The following TMEM14C variants were observed in gnomAD, a reference collection of about 807,000 sequenced individuals.
The protein encoded by TMEM14C is chromosome 6 open reading frame 53.
A neutral mutation model predicts 14.8 loss-of-function variants in TMEM14C; 13 were observed. The ratio of observed to expected loss-of-function variants is 0.88; its 90% CI spans 0.57 to 1.40. TMEM14C has a LOEUF of 1.40. TMEM14C is among the 40% of genes most tolerant of loss of function. The pLI is 0.00. For synonymous variants in TMEM14C, 57 were observed against 51.3 expected, an observed-to-expected ratio of 1.11 and a Z score of -0.48; for missense variants, 142 against 138.8, an observed-to-expected ratio of 1.02 and a Z score of -0.12.
Position 10,730,680 on chromosome 6 carries a change from C to T in TMEM14C, c.*14C>T, listed in dbSNP as rs200775524. 1.3e-6 allele frequency: 2 copies of T among 1,588,128 alleles called. No individual in the cohort carries two copies. The highest frequency in any genetic ancestry group is 8.6e-7 in the Non-Finnish European group (1 of 1,164,318). ...AGACCCCATTAGCAGAAGTCATGTT[C>T]CAGCTTAGACTGATGAAGAATTAAA... is the stretch of plus-strand genomic sequence containing the variant. On this transcript the variant is annotated 3_prime_UTR_variant, in exon 6 of 6. Transcript: ENST00000229563.
chr6:10,724,404 A>G (rs959323506), intron 1 of TMEM14C, 166 bp from the exon 2 acceptor site: 9 of 587,932 alleles, frequency 1.5e-5, no homozygotes, highest in African/African-American at 7.4e-5. Flanking sequence ...TGTGACATCC[A>G]TTGAATGCTC....
intron 1 of TMEM14C, among the ~76,000 whole-genome samples, chr6:10,723,594 C>CTTTTTTT (rs34904534): frequency 2.5e-5 from 3 of 118,712 alleles, no homozygotes; most frequent in African/African-American, 3.4e-5. Flanking sequence ...AAACTTAATT[C>CTTTTTTT]TTTTTTTTTT....
chr6:10,728,458 C>T (rs955725465), intron 4 of TMEM14C, among the ~76,000 whole-genome samples, 182 bp from the exon 5 acceptor site: 1 of 152,118 alleles, frequency 6.6e-6, no homozygotes, highest in Non-Finnish European at 1.5e-5. Context: ...CCCTATTTGG[C>T]CAATATTGGT....
At chr6:10,726,831 G>C (rs1041587455) in intron 4 of TMEM14C, among the ~76,000 whole-genome samples, 4 of 152,364 alleles carry the variant, frequency 2.6e-5, no homozygotes, top group Admixed American at 2.0e-4. Context: ...CCACCCATGT[G>C]TCAGACACTG....
intron 2 of TMEM14C, 139 bp from the exon 3 acceptor site, chr6:10,724,822 G>C: frequency 7.4e-7 from 1 of 1,344,248 alleles, no homozygotes; most frequent in Admixed American, 1.8e-5. Flanking sequence ...GTGACTCTCA[G>C]AAAGTCATCC....
At position 10,724,974 on chromosome 6, in the gene TMEM14C, T is replaced by G; in HGVS notation, c.34T>G (p.Trp12Gly). 6.2e-7 allele frequency: 1 copy of G among 1,614,238 alleles called. No homozygotes were observed. The highest frequency in any genetic ancestry group is 1.1e-5 in the South Asian group (1 of 91,084). The change falls in exon 3 of 6, where the codon TGG (tryptophan) becomes GGG (glycine). Residue 12 changes from tryptophan to glycine, a missense_variant. Physicochemically the swap from Trp to Gly is radical, Grantham distance 184. Coordinates refer to ENST00000229563, the MANE Select transcript of TMEM14C (RefSeq NM_016462.4). ...TTGTGTTTTCAGAGTGCCTTTGCAT[T>G]GGTTTGGCTTTGGCTACGCAGCACT... ...QDTGSVVPLH[W>G]FGFGYAALVA...
intron 5 of TMEM14C, among the ~76,000 whole-genome samples, chr6:10,729,573 T>C (rs1051857158): frequency 6.6e-6 from 1 of 152,034 alleles, no homozygotes; most frequent in African/African-American, 2.4e-5. Flanking sequence ...TGTCAGGGGT[T>C]CAAGACCATC....
intron 4 of TMEM14C, among the ~76,000 whole-genome samples, chr6:10,728,259 G>A (rs1770924482): frequency 6.6e-6 from 1 of 152,230 alleles, no homozygotes; most frequent in South Asian, 2.1e-4. Flanking sequence ...CACTTGACAT[G>A]TAGTAGGTGC....
Position 10,728,757 on chromosome 6 carries a change from A to G in TMEM14C, c.287+30A>G, listed in dbSNP as rs752915825. Reference sequence around the variant, plus strand: ...TTTCATTCTATTACTCTTCTTTACCATGTAGAGTTCAGTTTATTCCCCAGG... The same window carrying G: ...TTTCATTCTATTACTCTTCTTTACCGTGTAGAGTTCAGTTTATTCCCCAGG... On this transcript the variant is annotated intron_variant, in intron 5 of 5. Coordinates refer to ENST00000229563, the MANE Select transcript of TMEM14C (RefSeq NM_016462.4). The G allele has an allele frequency of 1.2e-5, 19 of 1,613,928 alleles. No homozygotes were observed. The South Asian group carries it at 2.1e-4, about 18-fold the overall frequency.
chr6:10,729,227 C>T (rs938759456), intron 5 of TMEM14C, among the ~76,000 whole-genome samples: 2 of 152,200 alleles, frequency 1.3e-5, no homozygotes, highest in African/African-American at 4.8e-5. Context: ...CATCTGCCTC[C>T]CGGGTTCAAG....
Position 10,724,992 on chromosome 6 carries a change from G to A in TMEM14C, c.52G>A (p.Ala18Thr), listed in dbSNP as rs202030847. 3.5e-5 allele frequency: 57 copies of A among 1,614,234 alleles called. No individual in the cohort carries two copies. The highest frequency in any genetic ancestry group is 8.0e-5 in the African/African-American group (6 of 75,044). The change falls in exon 3 of 6, where the codon GCA (alanine) becomes ACA (threonine). Residue 18 changes from alanine (A) to threonine (T), a missense_variant. Physicochemically the swap from Ala to Thr is moderately conservative, Grantham distance 58 (BLOSUM62 0). Transcript: ENST00000229563. ...TTTGCATTGGTTTGGCTTTGGCTAC[G>A]CAGCACTGGTTGCTTCTGGTGGGAT... ...VPLHWFGFGY[A>T]ALVASGGIIG...
chr6:10,726,848 G>A (rs1276775220), intron 4 of TMEM14C, among the ~76,000 whole-genome samples: 1 of 152,226 alleles, frequency 6.6e-6, no homozygotes, highest in African/African-American at 2.4e-5. Flanking sequence ...ACTGCTAGGA[G>A]TGTGGGTTCC....
intron 3 of TMEM14C, 35 bp from the exon 4 acceptor site, chr6:10,725,872 A>C: frequency 1.9e-6 from 3 of 1,611,954 alleles, no homozygotes; most frequent in Non-Finnish European, 2.5e-6. Context: ...TAAGTGCCTG[A>C]CATTACAATG....
chr6:10,724,529 C>G, intron 1 of TMEM14C, 41 bp from the exon 2 acceptor site: 8 of 1,393,408 alleles, frequency 5.7e-6, no homozygotes, highest in Non-Finnish European at 8.1e-6. Flanking sequence ...TGCTGGAGAG[C>G]TGTGCTTTTA....
chr6:10,723,956 A>G (rs767577105), intron 1 of TMEM14C, among the ~76,000 whole-genome samples: 27 of 152,180 alleles, frequency 1.8e-4, no homozygotes, highest in Admixed American at 3.3e-4. Flanking sequence ...CTTTTGGCTC[A>G]CTGGACACAG....
intron 3 of TMEM14C, 42 bp from the exon 4 acceptor site, chr6:10,725,865 G>C: frequency 6.2e-7 from 1 of 1,611,320 alleles, no homozygotes; most frequent in Non-Finnish European, 8.5e-7. Flanking sequence ...AGTGAAATAA[G>C]TGCCTGACAT....
chr6:10,726,235 G>A (rs558071691), intron 4 of TMEM14C, among the ~76,000 whole-genome samples: 13 of 152,262 alleles, frequency 8.5e-5, no homozygotes, highest in African/African-American at 2.6e-4. Context: ...TTCATAGCTC[G>A]TGACTATATT....
At chr6:10,725,846 G>A (rs1770844827) in intron 3 of TMEM14C, 61 bp from the exon 4 acceptor site, 2 of 1,603,814 alleles carry the variant, frequency 1.2e-6, no homozygotes, top group East Asian at 2.2e-5. Context: ...CGGTCTGGGG[G>A]ATTCCGTTAG....
rs1226178568 is a variant in TMEM14C at position 10,728,734 on chromosome 6, T to G, written c.287+7T>G. Reference sequence around the variant, plus strand: ...GTTTAATTGCAGGTGCCAGGTACTTTCATTCTATTACTCTTCTTTACCATG... The same window carrying G: ...GTTTAATTGCAGGTGCCAGGTACTTGCATTCTATTACTCTTCTTTACCATG... On this transcript the variant is annotated splice_region_variant and intron_variant, in intron 5 of 5. Transcript: ENST00000229563. 6.2e-7 allele frequency: 1 copy of G among 1,614,240 alleles called. No homozygotes were observed.
Sources: gnomAD v4.1 joint callset for allele counts (sites outside exome capture counted in the v4.1 genomes callset) on GRCh38, gnomAD v4.1.1 for gene constraint, MANE v1.5 for transcripts, NCBI Gene and HGNC (gene_info 2026-07-23, HGNC 2026-07-21) for gene names.